Variants in ELF4 observed in about 807,000 individuals in gnomAD.
The protein encoded by ELF4 is ETS-related transcription factor Elf-4.
In ELF4, 10 loss-of-function variants were observed where a neutral mutation model predicts 31.7. The observed-to-expected ratio is 0.32, with a 90% CI of 0.19 to 0.54. ELF4 has a LOEUF of 0.54. Among genes scored for constraint, ELF4 ranks in the 20% least tolerant of loss-of-function variants. The pLI, the probability that ELF4 is intolerant of heterozygous loss-of-function variation, is 0.95. For synonymous variants in ELF4, 208 were observed against 226.7 expected, an observed-to-expected ratio of 0.92 and a Z score of 0.74; for missense variants, 418 against 522.0, an observed-to-expected ratio of 0.80 and a Z score of 1.94.
At chrX:130,084,424 C>T (rs1026104307) in intron 1 of ELF4, among the ~76,000 whole-genome samples, 1 of 112,422 alleles carries the variant, frequency 8.9e-6, no homozygotes, top group African/African-American at 3.2e-5. Context: ...CCCTGCACTG[C>T]ATTGAATGGA....
At chrX:130,085,846 T>C (rs771222931) in intron 1 of ELF4, among the ~76,000 whole-genome samples, 16 of 111,158 alleles carry the variant, frequency 1.4e-4, no homozygotes, top group African/African-American at 4.9e-4. Context: ...ACAAGCAAAA[T>C]GGAAACTACC....
intron 6 of ELF4, 22 bp from the exon 7 acceptor site, chrX:130,071,254 G>T: frequency 8.3e-7 from 1 of 1,211,285 alleles, no homozygotes; most frequent in Non-Finnish European, 1.1e-6. Context: ...CAGGCCGTGA[G>T]GGGCAGCCTG....
At chrX:130,074,009 T>C in intron 4 of ELF4, 40 bp downstream of exon 4, 1 of 1,168,965 alleles carries the variant, frequency 8.6e-7, no homozygotes, top group Non-Finnish European at 1.2e-6. Context: ...AATGGAATTA[T>C]TTTGTTGCCT....
chrX:130,074,822 T>C, intron 2 of ELF4, 70 bp from the exon 3 acceptor site: 3 of 1,133,587 alleles, frequency 2.6e-6, no homozygotes, highest in Non-Finnish European at 3.6e-6. Flanking sequence ...TACCAGAATC[T>C]GGCCCTCTGT....
At position 130,069,360 on chromosome X, in the gene ELF4, G is replaced by C. The variant is rs1569401295; in HGVS notation, c.1127C>G (p.Thr376Ser). 2 of 1,212,462 alleles carry C rather than the reference G, an allele frequency of 1.6e-6. No individual in the cohort carries two copies. Among genetic ancestry groups the C allele is most frequent in the Non-Finnish European group, 2.2e-6 (2 of 895,648 alleles). The change falls in exon 8 of 9, where the codon ACT becomes AGT. Residue 376 changes from threonine (T) to serine (S), a missense_variant. Coordinates refer to ENST00000308167, the MANE Select transcript of ELF4 (RefSeq NM_001421.4). ...TGGAGAGACGAGCATGGTGGAGGTAGTGGGGATCTCCTCGTCTAGCGACGG... is the reference window on the plus strand; with the variant it reads ...TGGAGAGACGAGCATGGTGGAGGTACTGGGGATCTCCTCGTCTAGCGACGG... The part of the protein sequence containing the change: ...LGPSLDEEIP[T>S]TSTMLVSPAE...
intron 1 of ELF4, among the ~76,000 whole-genome samples, chrX:130,099,979 T>C (rs375439418): frequency 9.0e-6 from 1 of 111,140 alleles, no homozygotes; most frequent in Admixed American, 9.6e-5. Flanking sequence ...ACTAACATGT[T>C]TGAGCCTGAG....
intron 6 of ELF4, 22 bp from the exon 7 acceptor site, chrX:130,071,254 G>A (rs1188386271): frequency 2.5e-6 from 3 of 1,211,284 alleles, no homozygotes; most frequent in Non-Finnish European, 3.4e-6. Flanking sequence ...CAGGCCGTGA[G>A]GGGCAGCCTG....
chrX:130,079,889 C>T (rs750057192), intron 2 of ELF4, among the ~76,000 whole-genome samples: 109 of 111,961 alleles, frequency 9.7e-4, no homozygotes, highest in Non-Finnish European at 1.8e-3. Context: ...ATGCCTTCCA[C>T]GAGGCTAGGC....
intron 1 of ELF4, among the ~76,000 whole-genome samples, chrX:130,082,756 A>AC (rs1444982130): frequency 2.0e-5 from 2 of 101,725 alleles, no homozygotes; most frequent in Non-Finnish European, 4.0e-5. Flanking sequence ...CTGCTCCTCC[A>AC]CCCCATCACT....
chrX:130,075,072 G>A (rs943655689), intron 2 of ELF4, among the ~76,000 whole-genome samples: 4 of 107,918 alleles, frequency 3.7e-5, no homozygotes, highest in Non-Finnish European at 7.7e-5. Flanking sequence ...GGGTTCAAGC[G>A]ATTCTCCTAC....
intron 1 of ELF4, among the ~76,000 whole-genome samples, chrX:130,097,939 C>T (rs1050330465): frequency 8.9e-6 from 1 of 112,606 alleles, no homozygotes; most frequent in Non-Finnish European, 1.9e-5. Context: ...GCCATCTGGT[C>T]GCCTGCCCTC....
At chrX:130,078,768 C>CT (rs2080137110) in intron 2 of ELF4, among the ~76,000 whole-genome samples, 2 of 79,354 alleles carry the variant, frequency 2.5e-5, no homozygotes, top group African/African-American at 9.6e-5. Flanking sequence ...TCTCTACACA[C>CT]ACACACACAC....
intron 2 of ELF4, among the ~76,000 whole-genome samples, chrX:130,080,202 A>T (rs779147211): frequency 9.0e-6 from 1 of 111,085 alleles, no homozygotes; most frequent in South Asian, 3.8e-4. Flanking sequence ...TGGGTGGATC[A>T]CTTGAGGCCA....
chrX:130,075,304 TCTCA>T (rs1443817786), intron 2 of ELF4, among the ~76,000 whole-genome samples: 1 of 72,383 alleles, frequency 1.4e-5, no homozygotes, highest in Non-Finnish European at 2.6e-5. Context: ...TGAGACGGAG[TCTCA>T]CTCTGTCGCC....
chrX:130,097,392 G>A (rs778549872), intron 1 of ELF4, among the ~76,000 whole-genome samples: 11 of 109,952 alleles, frequency 1.0e-4, no homozygotes, highest in Non-Finnish European at 1.9e-4. Flanking sequence ...AGTTGAGATC[G>A]CGCCACTGCA....
At chrX:130,084,478 C>G (rs58752388) in intron 1 of ELF4, among the ~76,000 whole-genome samples, 1 of 112,047 alleles carries the variant, frequency 8.9e-6, no homozygotes, top group African/African-American at 3.2e-5. Flanking sequence ...CAAAGAGAGA[C>G]GATTCCCAGG....
rs1787744073 is a variant in ELF4 at position 130,065,766 on chromosome X, C to T, written c.*955G>A. 5.7e-6 allele frequency: 1 copy of T among 174,567 alleles called. No homozygotes were observed. Among genetic ancestry groups the T allele is most frequent in the Non-Finnish European group, 1.1e-5 (1 of 91,472 alleles). The allele number at this position is 174,567 out of a possible 1,213,427, so 14.4% of individuals were successfully genotyped here. ...CGGTATCACACAAACAGCCCAAGCC[C>T]TAGGCACAAATACTCAATGAATTCA... On this transcript the variant is annotated 3_prime_UTR_variant, in exon 9 of 9. Transcript: ENST00000308167.
chrX:130,109,574 G>T (rs1270469041), intron 1 of ELF4, among the ~76,000 whole-genome samples: 1 of 111,264 alleles, frequency 9.0e-6, no homozygotes, highest in African/African-American at 3.3e-5. Flanking sequence ...GGTGACTCTG[G>T]TCAGGAAGGT....
intron 1 of ELF4, among the ~76,000 whole-genome samples, chrX:130,085,558 T>C (rs1284737289): frequency 2.7e-5 from 3 of 109,571 alleles, no homozygotes; most frequent in Non-Finnish European, 5.7e-5. Flanking sequence ...CTCCGTGGAG[T>C]GAGTTTAAAT....
Sources: gnomAD v4.1 joint callset for allele counts (sites outside exome capture counted in the v4.1 genomes callset) on GRCh38, gnomAD v4.1.1 for gene constraint, MANE v1.5 for transcripts, NCBI Gene and HGNC (gene_info 2026-07-23, HGNC 2026-07-21) for gene names.